Variants in ZNF618 observed in about 807,000 individuals in gnomAD.
ZNF618 encodes the protein zinc finger protein 618, also known as neural precursor cell expressed, developmentally down-regulated 10.
Under a neutral mutation model 103.0 loss-of-function variants are expected in ZNF618, and 34 were observed. The observed-to-expected ratio is 0.33, with a 90% confidence interval of 0.25 to 0.44. ZNF618 has a LOEUF of 0.44. Among genes scored for constraint, ZNF618 ranks in the 20% least tolerant of loss-of-function variants. The pLI is 1.00. For synonymous variants in ZNF618, 551 were observed against 542.2 expected, an observed-to-expected ratio of 1.02 and a Z score of -0.23; for missense variants, 1,059 against 1,295.4, an observed-to-expected ratio of 0.82 and a Z score of 2.80.
chr9:114,041,142 T>C (rs1845139745), intron 13 of ZNF618, among the ~76,000 whole-genome samples: 1 of 152,252 alleles, frequency 6.6e-6, no homozygotes, highest in Admixed American at 6.5e-5. Flanking sequence ...TTGAGAAGTG[T>C]CTGTTCATAT....
At chr9:113,983,570 T>C (rs760827572) in intron 2 of ZNF618, among the ~76,000 whole-genome samples, 2 of 152,060 alleles carry the variant, frequency 1.3e-5, no homozygotes, top group Admixed American at 6.5e-5. Context: ...CAGCTGCAGC[T>C]GTATTTGCCA....
chr9:114,042,552 G>C (rs1845296851), intron 13 of ZNF618, among the ~76,000 whole-genome samples: 1 of 152,130 alleles, frequency 6.6e-6, no homozygotes, highest in African/African-American at 2.4e-5. Flanking sequence ...ATTTAGAGCA[G>C]GTGCAGTGGT....
chr9:114,030,848 T>A (rs1843956831), intron 11 of ZNF618: 1 of 152,216 alleles, frequency 6.6e-6, no homozygotes, highest in Admixed American at 6.5e-5. Flanking sequence ...ATGTGCATTA[T>A]CAGCTGAGCA....
chr9:113,935,772 T>C (rs1293135501), intron 1 of ZNF618, among the ~76,000 whole-genome samples: 1 of 152,174 alleles, frequency 6.6e-6, no homozygotes, highest in African/African-American at 2.4e-5. Context: ...CACCCTGCCC[T>C]GTGCTGTGTA....
chr9:113,995,673 C>G (rs918843658), intron 3 of ZNF618, among the ~76,000 whole-genome samples: 2 of 152,136 alleles, frequency 1.3e-5, no homozygotes, highest in Non-Finnish European at 2.9e-5. Flanking sequence ...TTTTAATGGT[C>G]TCTTCGCTGA....
intron 10 of ZNF618, among the ~76,000 whole-genome samples, chr9:114,026,230 A>G (rs1843487987): frequency 2.0e-5 from 3 of 152,216 alleles, no homozygotes; most frequent in Non-Finnish European, 2.9e-5. Context: ...GAGAAAGGAT[A>G]TTGTAGGATA....
intron 1 of ZNF618, among the ~76,000 whole-genome samples, chr9:113,960,111 C>A (rs10817541): frequency 6.6e-6 from 1 of 152,084 alleles, no homozygotes; most frequent in Non-Finnish European, 1.5e-5. Flanking sequence ...CACAGAGCAA[C>A]TAATATGTGC....
intron 1 of ZNF618, among the ~76,000 whole-genome samples, chr9:113,947,915 C>T (rs1835194478): frequency 6.6e-6 from 1 of 152,138 alleles, no homozygotes; most frequent in Non-Finnish European, 1.5e-5. Flanking sequence ...AAGTTGCAGG[C>T]CTAGAAGAAT....
intron 12 of ZNF618, among the ~76,000 whole-genome samples, chr9:114,033,766 G>A (rs1395556659): frequency 6.6e-6 from 1 of 152,200 alleles, no homozygotes; most frequent in African/African-American, 2.4e-5. Flanking sequence ...TTAGGGGAAG[G>A]CACCCACTCA....
At chr9:113,945,114 T>G (rs79946708) in intron 1 of ZNF618, among the ~76,000 whole-genome samples, 210 of 152,184 alleles carry the variant, frequency 1.4e-3, no homozygotes, top group African/African-American at 5.0e-3. Flanking sequence ...CCTCACTCTG[T>G]CCTGCCAGGC....
chr9:113,896,321 A>C (rs1322739252), intron 1 of ZNF618, among the ~76,000 whole-genome samples: 2 of 152,090 alleles, frequency 1.3e-5, no homozygotes, highest in African/African-American at 4.8e-5. Context: ...CTCTGAGTAC[A>C]TCTTTGGTCA....
At chr9:113,884,774 CAGAGAG>C (rs3034065) in intron 1 of ZNF618, among the ~76,000 whole-genome samples, 7,880 of 142,178 alleles carry the variant, frequency 0.055, 390 homozygotes, top group African/African-American at 0.14. Context: ...CACAAACACA[CAGAGAG>C]AGAGAGAGAG....
At chr9:114,024,649 T>A (rs1331701254) in intron 10 of ZNF618, among the ~76,000 whole-genome samples, 1 of 152,216 alleles carries the variant, frequency 6.6e-6, no homozygotes, top group Non-Finnish European at 1.5e-5. Flanking sequence ...TTGAGCAAGG[T>A]CTCGCCTCTC....
At chr9:113,917,197 G>T (rs1387561197) in intron 1 of ZNF618, among the ~76,000 whole-genome samples, 2 of 148,778 alleles carry the variant, frequency 1.3e-5, no homozygotes, top group Non-Finnish European at 3.0e-5. Flanking sequence ...CGTCCCTCTG[G>T]ATATATCCTT....
rs1304484493 is a variant in ZNF618 at position 113,998,310 on chromosome 9, A to G, written c.389A>G (p.Tyr130Cys). 6.4e-7 allele frequency: 1 copy of G among 1,550,608 alleles called. No individual in the cohort carries two copies. Among genetic ancestry groups the G allele is most frequent in the East Asian group, 2.4e-5 (1 of 40,926 alleles). The change falls in exon 4 of 15, where the codon TAT (tyrosine) becomes TGT (cysteine). Residue 130 changes from tyrosine (Y) to cysteine (C), a missense_variant. Around this residue, in one of 6 missense-constraint regions of ZNF618, gnomAD observed 194 missense variants for 209.0 expected, o/e 0.93. Transcript: ENST00000374126. ...CACGGTGGATCTGTGCGAAGCCGGT[A>G]TTCAGGGACCTGGATTTTTGACCAA... ...SPHGGSVRSRYSGTWIFDQAL... is the reference protein window; with the variant it reads ...SPHGGSVRSRCSGTWIFDQAL...
intron 1 of ZNF618, among the ~76,000 whole-genome samples, chr9:113,893,077 C>T (rs1829752079): frequency 6.6e-6 from 1 of 152,176 alleles, no homozygotes; most frequent in East Asian, 1.9e-4. Flanking sequence ...TAAGTTGGGC[C>T]GCTTTCTGGT....
At chr9:113,886,957 C>CT (rs1564129251) in intron 1 of ZNF618, among the ~76,000 whole-genome samples, 1 of 100,708 alleles carries the variant, frequency 9.9e-6, no homozygotes, top group South Asian at 3.4e-4. Context: ...TCATTGGTTT[C>CT]TTTTTACTTT....
chr9:113,970,034 T>A (rs1837799179), intron 2 of ZNF618, among the ~76,000 whole-genome samples: 1 of 152,194 alleles, frequency 6.6e-6, no homozygotes, highest in South Asian at 2.1e-4. Context: ...AATGGATTTT[T>A]TTTGTGTGAG....
At chr9:114,031,969 C>T (rs572334448) in intron 11 of ZNF618, among the ~76,000 whole-genome samples, 2 of 152,322 alleles carry the variant, frequency 1.3e-5, no homozygotes, top group Admixed American at 6.5e-5. Flanking sequence ...CTCTGCATTG[C>T]AGGGTTTCCA....
Sources: allele counts gnomAD v4.1 joint callset (sites outside exome capture counted in the v4.1 genomes callset), GRCh38; gene constraint gnomAD v4.1.1; regional missense constraint gnomAD v4.1.1; transcripts MANE v1.5; gene names NCBI Gene and HGNC (gene_info 2026-07-23, HGNC 2026-07-21).